The following EFCAB6 variants were observed in gnomAD, a reference collection of about 807,000 sequenced individuals.
EFCAB6 encodes EF-hand calcium-binding domain-containing protein 6.
In EFCAB6, 156 loss-of-function variants were observed where a neutral mutation model predicts 169.8. That is an observed-to-expected ratio of 0.92 (90% confidence interval 0.81 to 1.05). EFCAB6 has a LOEUF of 1.05. Among genes scored for constraint, EFCAB6 ranks in the 50% least tolerant of loss-of-function variants. EFCAB6 has a pLI of 0.00. For synonymous variants in EFCAB6, 698 were observed against 676.4 expected, an observed-to-expected ratio of 1.03 and a Z score of -0.50; for missense variants, 1,800 against 1,829.1, an observed-to-expected ratio of 0.98 and a Z score of 0.29.
chr22:43,811,091 C>A (rs960389831), intron 1 of EFCAB6, among the ~76,000 whole-genome samples: 1 of 151,946 alleles, frequency 6.6e-6, no homozygotes, highest in African/African-American at 2.4e-5. Flanking sequence ...ACCAACCTGG[C>A]CAACATGGTG....
intron 10 of EFCAB6, among the ~76,000 whole-genome samples, chr22:43,689,349 G>GCACACACACACACACACACACACACA (rs3221390): frequency 1.4e-5 from 2 of 146,962 alleles, no homozygotes; most frequent in African/African-American, 5.1e-5. Context: ...GAGAGCACGT[G>GCACACACACACACACACACACACACA]CACACACACA....
intron 2 of EFCAB6, among the ~76,000 whole-genome samples, chr22:43,799,350 C>T (rs1174872455): frequency 1.3e-5 from 2 of 151,782 alleles, no homozygotes; most frequent in African/African-American, 2.4e-5. Context: ...CACACACACA[C>T]ACACACACAA....
chr22:43,717,312 A>C (rs1465133868), intron 8 of EFCAB6, among the ~76,000 whole-genome samples: 2 of 151,988 alleles, frequency 1.3e-5, no homozygotes, highest in Non-Finnish European at 2.9e-5. Flanking sequence ...AAAACACTAA[A>C]GCCAGAATTT....
chr22:43,556,005 CAT>C (rs1316089480), intron 26 of EFCAB6, among the ~76,000 whole-genome samples: 3 of 152,220 alleles, frequency 2.0e-5, no homozygotes, highest in African/African-American at 2.4e-5. Context: ...GTGGCAGACA[CAT>C]ATGACAGAGG....
At chr22:43,679,625 CACA>C (rs1203009432) in intron 12 of EFCAB6, among the ~76,000 whole-genome samples, 3 of 152,142 alleles carry the variant, frequency 2.0e-5, no homozygotes, top group Non-Finnish European at 2.9e-5. Flanking sequence ...CCAGTATCTC[CACA>C]TATCCTTGTC....
At chr22:43,797,289 A>G (rs924828910) in intron 2 of EFCAB6, 11 of 152,664 alleles carry the variant, frequency 7.2e-5, no homozygotes, top group African/African-American at 2.7e-4. Flanking sequence ...CTTTGGGAGC[A>G]TTTGTTTTGG....
chr22:43,680,445 T>C (rs973997371), intron 12 of EFCAB6, among the ~76,000 whole-genome samples: 5 of 151,426 alleles, frequency 3.3e-5, no homozygotes, highest in Admixed American at 3.3e-4. Context: ...TGTATTTCCA[T>C]ATGAATTTTC....
chr22:43,713,673 G>T (rs1235188615), intron 9 of EFCAB6, among the ~76,000 whole-genome samples: 1 of 152,208 alleles, frequency 6.6e-6, no homozygotes, highest in Non-Finnish European at 1.5e-5. Flanking sequence ...CAGAAGCTAA[G>T]CTTACAACCA....
intron 20 of EFCAB6, among the ~76,000 whole-genome samples, chr22:43,617,350 G>A (rs894926143): frequency 6.6e-6 from 1 of 152,208 alleles, no homozygotes; most frequent in Admixed American, 6.5e-5. Context: ...CCCCTGAGGG[G>A]CATGTGCTAT....
chr22:43,699,709 C>G (rs1036538493), intron 10 of EFCAB6, among the ~76,000 whole-genome samples: 1 of 152,164 alleles, frequency 6.6e-6, no homozygotes, highest in African/African-American at 2.4e-5. Flanking sequence ...TTCTCCTTTT[C>G]CAAAATGTCA....
chr22:43,772,591 A>C (rs1003236938), intron 4 of EFCAB6, among the ~76,000 whole-genome samples: 3 of 151,844 alleles, frequency 2.0e-5, no homozygotes, highest in African/African-American at 4.8e-5. Context: ...CGGTGAGCCA[A>C]GATCACACCA....
chr22:43,738,689 C>T (rs2060259518), intron 6 of EFCAB6, among the ~76,000 whole-genome samples: 1 of 152,130 alleles, frequency 6.6e-6, no homozygotes, highest in Non-Finnish European at 1.5e-5. Flanking sequence ...TTGCACATAC[C>T]CCATCCACAC....
intron 27 of EFCAB6, among the ~76,000 whole-genome samples, chr22:43,547,608 C>A (rs2048134148): frequency 6.6e-6 from 1 of 151,880 alleles, no homozygotes; most frequent in African/African-American, 2.4e-5. Context: ...ACCAACAAAC[C>A]ATAAAAATAA....
chr22:43,663,488 C>T (rs2057102210), intron 17 of EFCAB6, among the ~76,000 whole-genome samples: 1 of 152,172 alleles, frequency 6.6e-6, no homozygotes, highest in Non-Finnish European at 1.5e-5. Flanking sequence ...AGTGCAAACC[C>T]AGGTCCATAG....
chr22:43,662,162 TAATAATA>T (rs949348693), intron 17 of EFCAB6, among the ~76,000 whole-genome samples: 7 of 34,706 alleles, frequency 2.0e-4, no homozygotes, highest in Admixed American at 7.9e-4. Context: ...CATTTCAAAA[TAATAATA>T]ATAATAATAA....
At position 43,572,306 on chromosome 22, in the gene EFCAB6, G is replaced by T. The variant is rs1263116170; in HGVS notation, c.3420+3991C>A. Among the ~76,000 whole-genome samples, 1 of 152,158 alleles carries T rather than the reference G, an allele frequency of 6.6e-6. No homozygotes were observed. Among genetic ancestry groups the T allele is most frequent in the African/African-American group, 2.4e-5 (1 of 41,428 alleles). On this transcript the variant is annotated intron_variant, in intron 26 of 31. Transcript: ENST00000262726. The surrounding 1 kb of genome is among the most constrained non-coding windows in gnomAD (Gnocchi z 4.0). ...AAAGCTTTAGGAATGTTCTCTCCTT[G>T]GTCCAGCAATTCCAGGATCAGCAGA...
chr22:43,630,009 A>G (rs954842971), intron 19 of EFCAB6, among the ~76,000 whole-genome samples: 4 of 152,204 alleles, frequency 2.6e-5, no homozygotes, highest in African/African-American at 9.7e-5. Flanking sequence ...TTTCTAAAAG[A>G]TATATGAGGC....
intron 22 of EFCAB6, among the ~76,000 whole-genome samples, chr22:43,604,838 C>A (rs1040541511): frequency 6.6e-6 from 1 of 152,204 alleles, no homozygotes; most frequent in Admixed American, 6.5e-5. Context: ...AATTATCTTG[C>A]AAACTTTCTG....
intron 10 of EFCAB6, among the ~76,000 whole-genome samples, chr22:43,700,344 G>A (rs1232034426): frequency 1.3e-5 from 2 of 152,006 alleles, no homozygotes; most frequent in South Asian, 2.1e-4. Context: ...TATTAAATTG[G>A]ATGGTAAGAA....
Sources: gnomAD v4.1 joint callset for allele counts (sites outside exome capture counted in the v4.1 genomes callset) on GRCh38, gnomAD v4.1.1 for gene constraint, Gnocchi (gnomAD v3.1) non-coding constraint, MANE v1.5 for transcripts, NCBI Gene and HGNC (gene_info 2026-07-23, HGNC 2026-07-21) for gene names.